The following ARB2A variants were observed in gnomAD, a reference collection of about 807,000 sequenced individuals.
ARB2A encodes the protein cotranscriptional regulator ARB2A.
chr5:93,965,371 C>T, the ARB2A span, among the ~76,000 whole-genome samples: 1 of 151,948 alleles, frequency 6.6e-6, no homozygotes, highest in Non-Finnish European at 1.5e-5. Context: ...CAGCCAGCAA[C>T]CCTTATAAGC....
At chr5:93,744,434 CAAA>C in the ARB2A span, among the ~76,000 whole-genome samples, 12 of 14,518 alleles carry the variant, frequency 8.3e-4, no homozygotes, top group South Asian at 4.6e-3. Context: ...GACTCAGTCT[CAAA>C]AAAAAAAAAA....
At chr5:94,002,413 A>G in the ARB2A span, among the ~76,000 whole-genome samples, 1 of 151,702 alleles carries the variant, frequency 6.6e-6, no homozygotes, top group Admixed American at 6.6e-5. Context: ...ACTTGTCTGC[A>G]CTGAGTCTCT....
chr5:93,833,478 G>GT, the ARB2A span, among the ~76,000 whole-genome samples: 1 of 152,106 alleles, frequency 6.6e-6, no homozygotes, highest in African/African-American at 2.4e-5. Context: ...TAGTTTATCT[G>GT]TTGAATGAAA....
the ARB2A span, among the ~76,000 whole-genome samples, chr5:93,942,636 G>A: frequency 6.6e-6 from 1 of 151,058 alleles, no homozygotes. Context: ...ATAACTACAA[G>A]ATCACAATAA....
At chr5:93,646,336 G>A in the ARB2A span, among the ~76,000 whole-genome samples, 2 of 151,410 alleles carry the variant, frequency 1.3e-5, no homozygotes, top group Non-Finnish European at 2.9e-5. Flanking sequence ...TTTTTCTGAG[G>A]TCTTCGGTGA....
At chr5:93,919,499 T>G in the ARB2A span, among the ~76,000 whole-genome samples, 1 of 152,168 alleles carries the variant, frequency 6.6e-6, no homozygotes, top group Admixed American at 6.5e-5. Flanking sequence ...ACATAGACCA[T>G]GAAGGGAATT....
chr5:94,095,884 T>C, the ARB2A span, among the ~76,000 whole-genome samples: 1 of 152,130 alleles, frequency 6.6e-6, no homozygotes, highest in African/African-American at 2.4e-5. Context: ...CTTAGGCCTT[T>C]CCCTGCTCAT....
the ARB2A span, among the ~76,000 whole-genome samples, chr5:93,746,519 CTTCT>C: frequency 6.6e-6 from 1 of 152,172 alleles, no homozygotes; most frequent in African/African-American, 2.4e-5. Flanking sequence ...AAAAACATTA[CTTCT>C]TTTTGCTGCT....
the ARB2A span, among the ~76,000 whole-genome samples, chr5:93,929,974 T>G: frequency 6.6e-6 from 1 of 152,226 alleles, no homozygotes; most frequent in African/African-American, 2.4e-5. Flanking sequence ...GATGCTTACA[T>G]GACCAGACAA....
chr5:94,053,130 A>T, the ARB2A span: 1 of 1,564,396 alleles, frequency 6.4e-7, no homozygotes, highest in Non-Finnish European at 8.7e-7. Flanking sequence ...ACTTACTTTC[A>T]TTAAAAGCAT....
At chr5:93,915,574 T>C in the ARB2A span, among the ~76,000 whole-genome samples, 1 of 152,018 alleles carries the variant, frequency 6.6e-6, no homozygotes, top group Admixed American at 6.6e-5. Flanking sequence ...TTAAAAGAAG[T>C]TGTCATGGAT....
At chr5:93,885,347 T>C in the ARB2A span, among the ~76,000 whole-genome samples, 5 of 151,634 alleles carry the variant, frequency 3.3e-5, no homozygotes, top group African/African-American at 1.2e-4. Flanking sequence ...TTAAACATTT[T>C]ATGTTGAAGT....
chr5:93,793,239 ATTTTTT>A, the ARB2A span, among the ~76,000 whole-genome samples: 15 of 64,782 alleles, frequency 2.3e-4, no homozygotes, highest in South Asian at 8.4e-4. Context: ...CTTCTGGCTA[ATTTTTT>A]TTTTTTTTTT....
At chr5:94,053,690 A>G in the ARB2A span, among the ~76,000 whole-genome samples, 5 of 152,334 alleles carry the variant, frequency 3.3e-5, no homozygotes, top group South Asian at 4.1e-4. Context: ...TAACTAGCAA[A>G]AATTATTTCA....
chr5:93,928,875 A>G, the ARB2A span, among the ~76,000 whole-genome samples: 1 of 152,254 alleles, frequency 6.6e-6, no homozygotes, highest in East Asian at 1.9e-4. Flanking sequence ...ACGTGCACAT[A>G]TATTAGAGAA....
At chr5:93,774,553 G>A in the ARB2A span, among the ~76,000 whole-genome samples, 1 of 152,176 alleles carries the variant, frequency 6.6e-6, no homozygotes, top group Non-Finnish European at 1.5e-5. Context: ...TCTTGTTTCA[G>A]TTCTTACATT....
the ARB2A span, among the ~76,000 whole-genome samples, chr5:93,937,387 G>T: frequency 6.6e-6 from 1 of 151,232 alleles, no homozygotes; most frequent in African/African-American, 2.4e-5. Context: ...TGGATCATGA[G>T]GTTAAGACAT....
the ARB2A span, among the ~76,000 whole-genome samples, chr5:94,110,043 C>T: frequency 6.6e-6 from 1 of 152,080 alleles, no homozygotes; most frequent in Admixed American, 6.5e-5. Flanking sequence ...CGCCACCACA[C>T]CCAGCTAATT....
At chr5:94,074,630 CA>C in the ARB2A span, 5 of 1,589,014 alleles carry the variant, frequency 3.1e-6, no homozygotes, top group Non-Finnish European at 3.4e-6. Flanking sequence ...CCTGAAAAAG[CA>C]AATTAAGTAT....
Sources: allele counts gnomAD v4.1 joint callset (sites outside exome capture counted in the v4.1 genomes callset), GRCh38; gene constraint gnomAD v4.1.1; transcripts MANE v1.5; gene names NCBI Gene and HGNC (gene_info 2026-07-23, HGNC 2026-07-21).